GALNTL6: variants seen among roughly 807,000 people sequenced by gnomAD.
The protein encoded by GALNTL6 is polypeptide N-acetylgalactosaminyltransferase-like 6.
In GALNTL6, 46 loss-of-function variants were observed where a neutral mutation model predicts 73.7. The ratio of observed to expected loss-of-function variants is 0.62; its 90% CI spans 0.49 to 0.80. GALNTL6 has a LOEUF of 0.80. Ranked by LOEUF, GALNTL6 falls within the 30% of genes least tolerant of loss-of-function variation. The pLI is 0.00. For missense variants in GALNTL6, 604 were observed against 755.0 expected (o/e 0.80, Z 2.34); for synonymous variants, 259 against 263.7 (o/e 0.98, Z 0.17).
chr4:172,498,270 G>A lies in GALNTL6; in HGVS notation c.553+149581G>A, dbSNP rs143155558. 2.6e-3 allele frequency among the ~76,000 whole-genome samples: 402 copies of A among 152,192 alleles called. 1 individual carries two copies. The highest frequency in any genetic ancestry group is 9.2e-3 in the African/African-American group (382 of 41,520). ...CCCAAAGTGCTGGGATTATAGGCAT[G>A]AGCCACCGCACCCAGCTGAATGTCA... On this transcript the variant is annotated intron_variant, in intron 5 of 12. Coordinates refer to ENST00000506823, the MANE Select transcript of GALNTL6 (RefSeq NM_001034845.3).
chr4:172,008,932 T>G (rs1297172269), intron 2 of GALNTL6, among the ~76,000 whole-genome samples: 1 of 151,940 alleles, frequency 6.6e-6, no homozygotes, highest in African/African-American at 2.4e-5. Flanking sequence ...AAAAGTTACA[T>G]GAAGATTGAT....
rs1561102164 is a variant in GALNTL6, at chr4:173,039,914, T to C, written c.1639-19T>C. The stretch of plus-strand genomic sequence containing the variant: ...CCACGTATTACAACAGTCTTTTCTT[T>C]TCTTCCTCACTCCTCCAGGACAGAA... On this transcript the variant is annotated intron_variant, in intron 12 of 12. Transcript: ENST00000506823. 1.3e-6 allele frequency: 2 copies of C among 1,595,638 alleles called. No homozygotes were observed.
At chr4:172,759,692 C>G (rs1737954354) in intron 5 of GALNTL6, among the ~76,000 whole-genome samples, 1 of 151,924 alleles carries the variant, frequency 6.6e-6, no homozygotes, top group African/African-American at 2.4e-5. Flanking sequence ...ATCCCATACT[C>G]TCAGGTACAC....
At chr4:171,945,120 T>C (rs982251672) in intron 2 of GALNTL6, among the ~76,000 whole-genome samples, 2 of 152,056 alleles carry the variant, frequency 1.3e-5, no homozygotes, top group Non-Finnish European at 2.9e-5. Context: ...TTCCGAAGTG[T>C]TTATTTGAAC....
chr4:171,955,376 A>G (rs1047175101), intron 2 of GALNTL6, among the ~76,000 whole-genome samples: 1 of 18,968 alleles, frequency 5.3e-5, no homozygotes, highest in Non-Finnish European at 5.1e-4. Context: ...ATATCTATCT[A>G]TCTATCTATA....
intron 5 of GALNTL6, among the ~76,000 whole-genome samples, chr4:172,544,621 G>C (rs1735684641): frequency 6.6e-6 from 1 of 152,098 alleles, no homozygotes. Context: ...GAGGGCTTAA[G>C]GAAAATACAA....
At chr4:172,871,266 G>C (rs542637921) in intron 7 of GALNTL6, among the ~76,000 whole-genome samples, 67 of 152,110 alleles carry the variant, frequency 4.4e-4, no homozygotes, top group Non-Finnish European at 3.8e-4. Context: ...ATTTCCTTCA[G>C]GTTCTTGAAC....
intron 4 of GALNTL6, among the ~76,000 whole-genome samples, chr4:172,341,149 A>G (rs1741543689): frequency 6.6e-6 from 1 of 152,164 alleles, no homozygotes. Flanking sequence ...TTGATATTCA[A>G]TGCCTTGAAA....
At chr4:172,497,988 T>G (rs369819885) in intron 5 of GALNTL6, among the ~76,000 whole-genome samples, 1,920 of 8,356 alleles carry the variant, frequency 0.23, 39 homozygotes, top group African/African-American at 0.27. Context: ...GAATGTCACA[T>G]TTCTTTTTTT....
rs182937048 is a variant in GALNTL6 at position 172,925,779 on chromosome 4, C to G, written c.1042-5382C>G. On this transcript the variant is annotated intron_variant, in intron 8 of 12. Transcript: ENST00000506823. ...CACCTAGACTTCAGCCTTGTGAGAC[C>G]CTTGATGGAGAACCTTGTTGAGCCC... Among the ~76,000 whole-genome samples, 438 of 152,252 alleles carry G rather than the reference C, an allele frequency of 2.9e-3. 2 individuals carry two copies. Among genetic ancestry groups the G allele is most frequent in the Non-Finnish European group, 4.8e-3 (324 of 68,024 alleles).
chr4:172,315,144 A>G (rs892551865), intron 4 of GALNTL6, among the ~76,000 whole-genome samples: 2 of 152,182 alleles, frequency 1.3e-5, no homozygotes, highest in Non-Finnish European at 2.9e-5. Context: ...GTTTTTCCAA[A>G]TGCTCTTAAC....
chr4:172,470,335 A>C (rs1732999789), intron 5 of GALNTL6, among the ~76,000 whole-genome samples: 1 of 152,178 alleles, frequency 6.6e-6, no homozygotes, highest in South Asian at 2.1e-4. Context: ...ATTTACCTAG[A>C]AAAAACTTAA....
chr4:172,387,009 T>G (rs1304850625), intron 5 of GALNTL6, among the ~76,000 whole-genome samples: 1 of 152,062 alleles, frequency 6.6e-6, no homozygotes, highest in African/African-American at 2.4e-5. Context: ...TAAGAATAAT[T>G]AATATTTTAC....
At chr4:172,938,585 A>G (rs926284123) in intron 9 of GALNTL6, among the ~76,000 whole-genome samples, 4 of 152,198 alleles carry the variant, frequency 2.6e-5, no homozygotes, top group Admixed American at 6.5e-5. Flanking sequence ...TACTCCCTCA[A>G]ATTGACCTTT....
At chr4:171,824,722 T>G (rs762053100) in intron 2 of GALNTL6, among the ~76,000 whole-genome samples, 1 of 152,212 alleles carries the variant, frequency 6.6e-6, no homozygotes, top group Non-Finnish European at 1.5e-5. Flanking sequence ...TTGGATACAT[T>G]TTTGCATTTT....
intron 2 of GALNTL6, among the ~76,000 whole-genome samples, chr4:171,818,999 A>ATT (rs143210025): frequency 2.7e-5 from 4 of 149,162 alleles, no homozygotes; most frequent in African/African-American, 9.8e-5. Context: ...TGTCTTAGGC[A>ATT]TTTTTTTTTT....
At chr4:172,685,337 A>G (rs1452570713) in intron 5 of GALNTL6, among the ~76,000 whole-genome samples, 2 of 152,206 alleles carry the variant, frequency 1.3e-5, no homozygotes, top group East Asian at 3.8e-4. Context: ...ACTCAATTAT[A>G]GAAGACATAA....
At chr4:172,107,690 G>GGGGGAGT (rs1732717158) in intron 2 of GALNTL6, among the ~76,000 whole-genome samples, 1 of 110,400 alleles carries the variant, frequency 9.1e-6, no homozygotes, top group African/African-American at 3.5e-5. Flanking sequence ...GTGGGGGGAG[G>GGGGGAGT]GGGGAGGGAT....
intron 5 of GALNTL6, among the ~76,000 whole-genome samples, chr4:172,606,628 TACTATATATATACTATATATATA>T (rs1738294621): frequency 2.1e-5 from 1 of 48,458 alleles, no homozygotes; most frequent in East Asian, 1.5e-3. Flanking sequence ...AGTATATATA[TACTATATATATACTATATATATA>T]GTATATATAT....
Sources: gnomAD v4.1 joint callset for allele counts (sites outside exome capture counted in the v4.1 genomes callset) on GRCh38, gnomAD v4.1.1 for gene constraint, MANE v1.5 for transcripts, NCBI Gene and HGNC (gene_info 2026-07-23, HGNC 2026-07-21) for gene names.